The following SRSF1 variants were observed in gnomAD, a reference collection of about 807,000 sequenced individuals.
SRSF1 encodes serine/arginine-rich splicing factor 1.
SRSF1 carries 1 observed loss-of-function variant against 25.9 expected under a neutral mutation model. That is an observed-to-expected ratio of 0.04 (90% CI 0.01 to 0.18). The LOEUF (loss-of-function observed/expected upper bound fraction) is 0.18, where lower values mean the gene tolerates loss of function less well. SRSF1 is among the 10% of genes least tolerant of loss of function. The pLI is 1.00. For missense variants in SRSF1, 65 were observed against 350.5 expected (o/e 0.19, Z 6.50); for synonymous variants, 132 against 126.2 (o/e 1.05, Z -0.31).
downstream of SRSF1, among the ~76,000 whole-genome samples, chr17:57,995,933 A>C (rs867970086): frequency 2.0e-5 from 3 of 152,256 alleles, no homozygotes; most frequent in African/African-American, 7.2e-5. Context: ...GCTTAAGCCC[A>C]GGAGTTCAAA....
intron 1 of SRSF1, 124 bp from the exon 2 acceptor site, chr17:58,006,651 T>A: frequency 1.7e-6 from 2 of 1,186,966 alleles, no homozygotes; most frequent in Non-Finnish European, 2.3e-6. Context: ...CGCCGCATAA[T>A]AGGAATGGCC....
At position 58,005,621 on chromosome 17, in the gene SRSF1, T is replaced by C. The variant is rs745603397; in HGVS notation, c.553-21A>G. 2 of 1,612,530 alleles carry C rather than the reference T, an allele frequency of 1.2e-6. No individual in the cohort carries two copies. The highest frequency in any genetic ancestry group is 1.7e-6 in the Non-Finnish European group (2 of 1,178,806). On this transcript the variant is annotated intron_variant, in intron 3 of 3. Transcript: ENST00000258962. The surrounding 1 kb of genome is among the most constrained non-coding windows in gnomAD (Gnocchi z 5.2). ...TCTCCCTATTGGATAGACAGAACTT[T>C]CCATTGAAAGATCTAAGCTTTCATC...
At chr17:58,006,219 C>T in intron 2 of SRSF1, 124 bp downstream of exon 2, 1 of 1,277,168 alleles carries the variant, frequency 7.8e-7, no homozygotes, top group Non-Finnish European at 1.1e-6. Flanking sequence ...TTAAATTCAC[C>T]CAAAAACTAA....
At chr17:57,996,255 C>T (rs186007107), downstream of SRSF1, among the ~76,000 whole-genome samples, 26 of 152,054 alleles carry the variant, frequency 1.7e-4, no homozygotes, top group African/African-American at 4.8e-4. Flanking sequence ...GAGGCCGAAG[C>T]GGGCAGATCA....
At chr17:57,998,686 T>C (rs564981261), downstream of SRSF1, among the ~76,000 whole-genome samples, 1 of 152,326 alleles carries the variant, frequency 6.6e-6, no homozygotes, top group South Asian at 2.1e-4. Context: ...GACTACTAGT[T>C]AACAGTAACT....
downstream of SRSF1, among the ~76,000 whole-genome samples, chr17:57,999,168 A>AT (rs1300865309): frequency 6.6e-6 from 1 of 152,204 alleles, no homozygotes; most frequent in South Asian, 2.1e-4. Context: ...CATAAGTAGG[A>AT]TTTTAAGACA....
chr17:57,999,432 AG>A (rs1416397843), downstream of SRSF1, among the ~76,000 whole-genome samples: 1 of 152,224 alleles, frequency 6.6e-6, no homozygotes, highest in Non-Finnish European at 1.5e-5. Flanking sequence ...TCTTAGTCCC[AG>A]AACCTAGATT....
chr17:57,999,989 T>C (rs1365716093), downstream of SRSF1, among the ~76,000 whole-genome samples: 1 of 152,180 alleles, frequency 6.6e-6, no homozygotes, highest in African/African-American at 2.4e-5. Context: ...AGTAAACTTC[T>C]TATGAAAAGT....
In SRSF1 at chr17:58,004,309, T is replaced by C. The variant is rs1030543782; in HGVS notation, c.*1097A>G. 2.0e-5 allele frequency: 3 copies of C among 152,656 alleles called. No homozygotes were observed. The highest frequency in any genetic ancestry group is 4.8e-5 in the African/African-American group (2 of 41,464). 9.5% of individuals were successfully genotyped at this position (152,656 alleles called of 1,614,324 possible). ...GTTACGTAATTTAAGTTTACTGGCATTGCTACCCACCTAAGTCTAAAACTA... is the reference window on the plus strand; with the variant it reads ...GTTACGTAATTTAAGTTTACTGGCACTGCTACCCACCTAAGTCTAAAACTA... On this transcript the variant is annotated 3_prime_UTR_variant, in exon 4 of 4. Transcript: ENST00000258962.
chr17:58,006,669 C>T (rs1190560473), intron 1 of SRSF1, 142 bp from the exon 2 acceptor site: 2 of 1,031,874 alleles, frequency 1.9e-6, no homozygotes, highest in Non-Finnish European at 2.7e-6. Context: ...GCCCCTCCCC[C>T]ACCCAGAAAC....
rs1163534624 is a variant in SRSF1, at chr17:58,004,068, T to TG, written c.*1337dup. 1 of 152,668 alleles carries TG rather than the reference T, an allele frequency of 6.6e-6. No individual in the cohort carries two copies. Among genetic ancestry groups the TG allele is most frequent in the Non-Finnish European group, 1.5e-5 (1 of 68,052 alleles). 9.5% of individuals were successfully genotyped at this position (152,668 alleles called of 1,614,324 possible). ...AGATACTGTAATCAAAAAAGGTTTCTGGGGAATGATGAGTTATGTCTGTCA... is the reference window on the plus strand; with the variant it reads ...AGATACTGTAATCAAAAAAGGTTTCTGGGGGAATGATGAGTTATGTCTGTCA... On this transcript the variant is annotated 3_prime_UTR_variant, in exon 4 of 4. Coordinates refer to ENST00000258962, the MANE Select transcript of SRSF1 (RefSeq NM_006924.5).
At chr17:57,989,305 T>C in the SRSF1 span, 1 of 398,636 alleles carries the variant, frequency 2.5e-6, no homozygotes, top group Non-Finnish European at 4.4e-6. Context: ...ATTAAACAAG[T>C]GTCTCTAGTC....
chr17:58,006,137 T>C, intron 2 of SRSF1, 164 bp from the exon 3 acceptor site: 1 of 962,298 alleles, frequency 1.0e-6, no homozygotes, highest in Non-Finnish European at 1.5e-6. Flanking sequence ...AGTCCAAAAT[T>C]ATTTGTAACG....
In SRSF1 at chr17:58,002,308, G is replaced by A. The variant is rs964440397; in HGVS notation, c.*3098C>T. ...TCCCCTCTTCCCAACATTCCACAAC[G>A]TTCATTAAAATCTACCGATTGGGGT... is the stretch of plus-strand genomic sequence containing the variant. On this transcript the variant is annotated 3_prime_UTR_variant, in exon 4 of 4. Coordinates refer to ENST00000258962, the MANE Select transcript of SRSF1 (RefSeq NM_006924.5). 5.9e-5 allele frequency among the ~76,000 whole-genome samples: 9 copies of A among 152,176 alleles called. No individual in the cohort carries two copies. Among genetic ancestry groups the A allele is most frequent in the South Asian group, 2.1e-4 (1 of 4,826 alleles).
the SRSF1 span, chr17:57,992,557 C>A: frequency 1.9e-4 from 29 of 152,264 alleles, no homozygotes; most frequent in African/African-American, 6.7e-4. Flanking sequence ...ATGTCTTCTC[C>A]TCGGCTACAG....
At chr17:57,999,560 C>T (rs1410410320), downstream of SRSF1, among the ~76,000 whole-genome samples, 1 of 152,144 alleles carries the variant, frequency 6.6e-6, no homozygotes, top group East Asian at 1.9e-4. Flanking sequence ...TGCAAGAAAA[C>T]TTACCCAAAC....
At position 58,006,331 on chromosome 17, in the gene SRSF1, C is replaced by G. The variant is rs754740879; in HGVS notation, c.379+12G>C. ...GTCCCTTCACATCAATCCACACAAC[C>G]AGTACACTCACCAGAGACAACCACT... On this transcript the variant is annotated intron_variant, in intron 2 of 3. Coordinates refer to ENST00000258962, the MANE Select transcript of SRSF1 (RefSeq NM_006924.5). 7 of 1,606,758 alleles carry G rather than the reference C, an allele frequency of 4.4e-6. No homozygotes were observed. The African/African-American group carries it at 9.4e-5, about 21-fold the overall frequency.
In SRSF1 at chr17:58,001,347, A is replaced by G. The variant is rs1041468544; in HGVS notation, c.*4059T>C. ...CAGACGTGAGCACTGAATATTTACTAAAGCATAAAACTTAGGAAAAATCAT... is the reference window on the plus strand; with the variant it reads ...CAGACGTGAGCACTGAATATTTACTGAAGCATAAAACTTAGGAAAAATCAT... On this transcript the variant is annotated 3_prime_UTR_variant, in exon 4 of 4. Coordinates refer to ENST00000258962, the MANE Select transcript of SRSF1 (RefSeq NM_006924.5). Among the ~76,000 whole-genome samples the G allele has an allele frequency of 1.3e-5, 2 of 152,196 alleles. No homozygotes were observed. The highest frequency in any genetic ancestry group is 6.5e-5 in the Admixed American group (1 of 15,280).
At chr17:58,000,557 C>A (rs887546885), downstream of SRSF1, among the ~76,000 whole-genome samples, 6 of 152,124 alleles carry the variant, frequency 3.9e-5, no homozygotes, top group Non-Finnish European at 5.9e-5. Flanking sequence ...TCCACTATTA[C>A]AACAGAATGT....
Sources: gnomAD v4.1 joint callset for allele counts (sites outside exome capture counted in the v4.1 genomes callset) on GRCh38, gnomAD v4.1.1 for gene constraint, Gnocchi (gnomAD v3.1) non-coding constraint, MANE v1.5 for transcripts, NCBI Gene and HGNC (gene_info 2026-07-23, HGNC 2026-07-21) for gene names.